Variants in MSRA observed in about 807,000 individuals in gnomAD.
MSRA encodes methionine sulfoxide reductase A.
In MSRA, 54 loss-of-function variants were observed where a neutral mutation model predicts 31.3. That is an observed-to-expected ratio of 1.73 (90% CI 1.39 to 2.17). The LOEUF is 2.17. Among genes scored for constraint, MSRA ranks in the 30% most tolerant of loss-of-function variants. MSRA has a pLI of 0.00. For synonymous variants in MSRA, 169 were observed against 116.5 expected, an observed-to-expected ratio of 1.45 and a Z score of -2.90; for missense variants, 507 against 300.9, an observed-to-expected ratio of 1.69 and a Z score of -5.07.
chr8:10,310,607 C>T (rs935701709), intron 4 of MSRA, among the ~76,000 whole-genome samples: 4 of 152,192 alleles, frequency 2.6e-5, no homozygotes, highest in Non-Finnish European at 5.9e-5. Context: ...CTCATGTGTA[C>T]GTGATCCCAT....
At chr8:10,389,011 C>T (rs148638633) in intron 5 of MSRA, among the ~76,000 whole-genome samples, 2 of 152,140 alleles carry the variant, frequency 1.3e-5, no homozygotes, top group African/African-American at 4.8e-5. Flanking sequence ...CATATTTATG[C>T]CTAGTGTTCC....
intron 3 of MSRA, among the ~76,000 whole-genome samples, chr8:10,246,940 G>C (rs1450845696): frequency 6.6e-6 from 1 of 152,142 alleles, no homozygotes; most frequent in African/African-American, 2.4e-5. Flanking sequence ...GAAATGAGTA[G>C]ATTCCTTCCT....
intron 1 of MSRA, among the ~76,000 whole-genome samples, chr8:10,144,925 ACT>A (rs1161576324): frequency 2.7e-5 from 4 of 149,286 alleles, no homozygotes; most frequent in African/African-American, 9.9e-5. Flanking sequence ...CTTTGCAAAG[ACT>A]CTGCCTTCAA....
intron 1 of MSRA, among the ~76,000 whole-genome samples, chr8:10,160,242 C>G (rs1252344465): frequency 6.6e-6 from 1 of 152,082 alleles, no homozygotes; most frequent in African/African-American, 2.4e-5. Context: ...CTCACACCTG[C>G]TCAGCACTTT....
At chr8:10,092,023 A>G (rs1740563729) in intron 1 of MSRA, among the ~76,000 whole-genome samples, 1 of 151,856 alleles carries the variant, frequency 6.6e-6, no homozygotes. Context: ...TCTTGTCAAT[A>G]CTTGTTTTTG....
intron 3 of MSRA, among the ~76,000 whole-genome samples, chr8:10,291,795 G>GA (rs1320009976): frequency 1.3e-5 from 2 of 151,746 alleles, no homozygotes; most frequent in Non-Finnish European, 2.9e-5. Context: ...ATTATTTAAT[G>GA]AAAAAAAATT....
chr8:10,259,071 C>T (rs962989476), intron 3 of MSRA, among the ~76,000 whole-genome samples: 6 of 150,492 alleles, frequency 4.0e-5, no homozygotes, highest in Non-Finnish European at 7.4e-5. Context: ...CTTGCCACTG[C>T]ACTCCAGCTT....
At chr8:10,072,132 C>T (rs891523561) in intron 1 of MSRA, among the ~76,000 whole-genome samples, 12 of 152,018 alleles carry the variant, frequency 7.9e-5, no homozygotes, top group Non-Finnish European at 1.2e-4. Context: ...AGAACAAAGG[C>T]GCACACATGA....
chr8:10,054,525 G>A lies in MSRA; in HGVS notation c.9G>A (p.Ser3=). ML[S]ATRRACQLLL... ...TCGGCTGGCGCCCTCCCATGCTCTC[G>A]GCCACCCGGAGGGCTTGCCAGCTCC... is the stretch of plus-strand genomic sequence containing the variant. The change falls in exon 1 of 6, where the codon TCG becomes TCA. Residue 3 remains serine, a synonymous_variant. Transcript: ENST00000317173. The A allele has an allele frequency of 6.3e-7, 1 of 1,582,170 alleles. No individual in the cohort carries two copies. The highest frequency in any genetic ancestry group is 1.8e-5 in the Admixed American group (1 of 56,826).
chr8:10,171,496 C>G (rs1563178933), intron 1 of MSRA, among the ~76,000 whole-genome samples: 1 of 152,020 alleles, frequency 6.6e-6, no homozygotes, highest in Non-Finnish European at 1.5e-5. Flanking sequence ...GGGCCTTACA[C>G]CTTTGATGAT....
intron 5 of MSRA, among the ~76,000 whole-genome samples, chr8:10,322,251 A>G (rs1802085040): frequency 6.6e-6 from 1 of 152,162 alleles, no homozygotes; most frequent in African/African-American, 2.4e-5. Context: ...TCAAAGAGAG[A>G]GCAATGACCT....
At chr8:10,414,935 C>T (rs181929325) in intron 5 of MSRA, among the ~76,000 whole-genome samples, 238 of 152,220 alleles carry the variant, frequency 1.6e-3, no homozygotes, top group African/African-American at 5.5e-3. Flanking sequence ...ATCCATGTCT[C>T]CCGAAACTGA....
intron 1 of MSRA, among the ~76,000 whole-genome samples, chr8:10,087,722 G>A (rs556242008): frequency 1.7e-4 from 26 of 152,292 alleles, no homozygotes; most frequent in African/African-American, 6.0e-4. Flanking sequence ...TTCTGAGAGT[G>A]CCATACCCTC....
chr8:10,320,941 C>G (rs1802013052), intron 5 of MSRA, among the ~76,000 whole-genome samples: 1 of 152,228 alleles, frequency 6.6e-6, no homozygotes, highest in African/African-American at 2.4e-5. Context: ...TTAATTACCT[C>G]TGTAAAGACC....
intron 1 of MSRA, among the ~76,000 whole-genome samples, chr8:10,155,303 G>T (rs181142899): frequency 1.3e-5 from 2 of 152,140 alleles, no homozygotes; most frequent in African/African-American, 4.8e-5. Flanking sequence ...TTTTCACTGT[G>T]GAAGGAGACA....
intron 1 of MSRA, among the ~76,000 whole-genome samples, chr8:10,100,044 C>T (rs1799430211): frequency 6.6e-6 from 1 of 152,124 alleles, no homozygotes; most frequent in Non-Finnish European, 1.5e-5. Flanking sequence ...GAGGGCGCTG[C>T]CCAGCAAGCA....
intron 5 of MSRA, among the ~76,000 whole-genome samples, chr8:10,401,350 A>G (rs1248183974): frequency 6.6e-6 from 1 of 152,242 alleles, no homozygotes; most frequent in Admixed American, 6.5e-5. Context: ...TCAAAACTAC[A>G]GTGAGAAACC....
chr8:10,183,862 GTGT>G (rs1401023517), intron 1 of MSRA, among the ~76,000 whole-genome samples: 1 of 151,150 alleles, frequency 6.6e-6, no homozygotes, highest in East Asian at 1.9e-4. Flanking sequence ...GTTGACAGTA[GTGT>G]TGTTGGTTTT....
rs189411670 is a variant in MSRA at position 10,313,224 on chromosome 8, T to A, written c.437-6659T>A. Among the ~76,000 whole-genome samples the A allele has an allele frequency of 3.9e-5, 6 of 152,346 alleles. No homozygotes were observed. The East Asian group carries it at 1.2e-3, about 29-fold the overall frequency. ...TGATCTGTGAACTTCTCTCTCTATATTCAGTCTGCCTGCTGAATGCTAATG... is the reference window on the plus strand; with the variant it reads ...TGATCTGTGAACTTCTCTCTCTATAATCAGTCTGCCTGCTGAATGCTAATG... On this transcript the variant is annotated intron_variant, in intron 4 of 5. Transcript: ENST00000317173.
Sources: allele counts gnomAD v4.1 joint callset (sites outside exome capture counted in the v4.1 genomes callset), GRCh38; gene constraint gnomAD v4.1.1; transcripts MANE v1.5; gene names NCBI Gene and HGNC (gene_info 2026-07-23, HGNC 2026-07-21).